The following CUX1 variants were observed in gnomAD, a reference collection of about 807,000 sequenced individuals.
CUX1 encodes the protein cut like homeobox 1, also known as protein CASP.
Under a neutral mutation model 158.8 loss-of-function variants are expected in CUX1, and 31 were observed. The ratio of observed to expected loss-of-function variants is 0.20; its 90% CI spans 0.15 to 0.26. CUX1 has a LOEUF of 0.26. Ranked by LOEUF, CUX1 falls within the 10% of genes least tolerant of loss-of-function variation. CUX1 has a pLI of 1.00. For synonymous variants in CUX1, 879 were observed against 862.1 expected, an observed-to-expected ratio of 1.02 and a Z score of -0.34; for missense variants, 1,589 against 2,014.6, an observed-to-expected ratio of 0.79 and a Z score of 4.04.
At chr7:102,223,527 T>A (rs1798043705) in intron 20 of CUX1, among the ~76,000 whole-genome samples, 1 of 152,150 alleles carries the variant, frequency 6.6e-6, no homozygotes, top group Non-Finnish European at 1.5e-5. Context: ...ATTCACTGTC[T>A]GTCCTAACAG....
chr7:102,009,733 G>A (rs1001433576), intron 2 of CUX1, among the ~76,000 whole-genome samples: 2 of 152,254 alleles, frequency 1.3e-5, no homozygotes, highest in African/African-American at 2.4e-5. Flanking sequence ...ACACCAGCGT[G>A]GCAGACAGGT....
intron 8 of CUX1, among the ~76,000 whole-genome samples, chr7:102,126,985 C>T (rs782648598): frequency 5.3e-5 from 8 of 152,166 alleles, no homozygotes; most frequent in South Asian, 2.1e-4. Context: ...CCCTCGCATG[C>T]GCAGTTCACA....
chr7:101,962,555 T>C (rs1316088812), intron 2 of CUX1, among the ~76,000 whole-genome samples: 1 of 152,166 alleles, frequency 6.6e-6, no homozygotes, highest in Non-Finnish European at 1.5e-5. Context: ...TAGGCAGATA[T>C]AAATGCAGAT....
rs1250069526 is a variant in CUX1, at chr7:102,139,226, C to G, written c.675-19334C>G. ...TGCTGCTGCACTCCAGCCTGGGCAA[C>G]AGAGAGAGACTACATCTTAAAAAAA... On this transcript the variant is annotated intron_variant, in intron 8 of 23. Transcript: ENST00000292535. Among the ~76,000 whole-genome samples the G allele has an allele frequency of 2.6e-5, 3 of 116,464 alleles. No homozygotes were observed. The East Asian group carries it at 7.2e-4, about 28-fold the overall frequency. The allele number at this position is 116,464 out of a possible 152,430, so 76.4% of individuals were successfully genotyped here.
chr7:102,099,707 A>G (rs147883377), intron 5 of CUX1, among the ~76,000 whole-genome samples: 282 of 152,152 alleles, frequency 1.9e-3, no homozygotes, highest in African/African-American at 6.4e-3. Context: ...GACTACAGGC[A>G]TGTGTACCAC....
intron 20 of CUX1, among the ~76,000 whole-genome samples, chr7:102,281,239 G>A (rs1284333927): frequency 6.6e-6 from 1 of 152,114 alleles, no homozygotes; most frequent in East Asian, 1.9e-4. Context: ...GCGCAGTGGT[G>A]TGCACCTGTA....
intron 2 of CUX1, among the ~76,000 whole-genome samples, chr7:102,016,521 G>A (rs10233402): frequency 0.42 from 64,430 of 151,984 alleles, 14,287 homozygotes; most frequent in Non-Finnish European, 0.46. Context: ...AAAAATAATG[G>A]TACTCCAAAA....
At chr7:102,088,929 C>T (rs1269634189) in intron 4 of CUX1, among the ~76,000 whole-genome samples, 3 of 152,042 alleles carry the variant, frequency 2.0e-5, no homozygotes, top group African/African-American at 7.2e-5. Context: ...GAACATTTTG[C>T]CACTGTTTCT....
chr7:102,082,890 G>A (rs1037081967), intron 4 of CUX1, among the ~76,000 whole-genome samples: 1 of 147,532 alleles, frequency 6.8e-6, no homozygotes, highest in Admixed American at 6.8e-5. Context: ...TGGGTATTAT[G>A]AATCAGTCTA....
intron 20 of CUX1, chr7:102,281,717 G>C (rs1488973885): frequency 8.7e-6 from 6 of 693,244 alleles, no homozygotes; most frequent in Non-Finnish European, 1.6e-5. Context: ...ATGGAATAGG[G>C]GCCCCAGCTT....
At chr7:102,023,119 G>A (rs1423416453) in intron 2 of CUX1, among the ~76,000 whole-genome samples, 3 of 152,150 alleles carry the variant, frequency 2.0e-5, no homozygotes, top group Admixed American at 2.0e-4. Flanking sequence ...GGAGGCTGAA[G>A]CAGGAGAATC....
intron 1 of CUX1, among the ~76,000 whole-genome samples, chr7:101,912,829 G>T (rs10240601): frequency 0.15 from 23,308 of 152,106 alleles, 2,532 homozygotes; most frequent in East Asian, 0.53. Flanking sequence ...GGAGGAGGTT[G>T]GGTCCAGGTT....
chr7:102,029,703 A>G (rs1288582649), intron 3 of CUX1, among the ~76,000 whole-genome samples: 2 of 152,102 alleles, frequency 1.3e-5, no homozygotes, highest in African/African-American at 2.4e-5. Context: ...TTCAGCCCCC[A>G]TGCACGTAGC....
In CUX1 at chr7:102,249,213, C is replaced by T. The variant is rs1217797615; in HGVS notation, c.*171C>T. On this transcript the variant is annotated 3_prime_UTR_variant, in exon 24 of 24. Transcript: ENST00000292535. ...CCCCCTCCACGGTCCGCGGCCTGCA[C>T]CGACCCGAGGCCCAGATCCAAGGCC... 4.5e-6 allele frequency: 5 copies of T among 1,107,956 alleles called. No individual in the cohort carries two copies. Among genetic ancestry groups the T allele is most frequent in the Admixed American group, 5.1e-5 (1 of 19,734 alleles). 68.6% of individuals were successfully genotyped at this position (1,107,956 alleles called of 1,614,324 possible). A position where few individuals can be genotyped will look rare whatever the true frequency, so the allele number is the denominator to read the frequency against.
At position 102,197,172 on chromosome 7, in the gene CUX1, C is replaced by T. The variant is rs782212066; in HGVS notation, c.1761C>T (p.Ser587=). ...TGGGACTGTCTCAAGGGTCCGTGAG[C>T]GAGATTCTGGCCCGGCCCAAGCCAT... ...YVLGLSQGSV[S]EILARPKPWN... is the part of the protein sequence containing the mutation. Residue 587 remains serine, a synonymous_variant, in exon 15 of 24, where the codon AGC becomes AGT. Transcript: ENST00000292535. 24 of 1,614,108 alleles carry T rather than the reference C, an allele frequency of 1.5e-5. No individual in the cohort carries two copies. Among genetic ancestry groups the T allele is most frequent in the East Asian group, 8.9e-5 (4 of 44,900 alleles).
intron 20 of CUX1, among the ~76,000 whole-genome samples, chr7:102,222,387 C>T (rs1159321829): frequency 2.0e-5 from 3 of 152,138 alleles, no homozygotes; most frequent in Admixed American, 1.3e-4. Context: ...GAGGTTTTCC[C>T]CTCCTGATCC....
At chr7:101,826,243 G>A (rs112179125) in intron 1 of CUX1, among the ~76,000 whole-genome samples, 41 of 151,682 alleles carry the variant, frequency 2.7e-4, no homozygotes, top group African/African-American at 9.0e-4. Flanking sequence ...CTCTGTTGCC[G>A]GCTGGAGTGC....
chr7:102,264,992 C>G (rs1303544000), intron 14 of CUX1: 3 of 152,204 alleles, frequency 2.0e-5, no homozygotes, highest in African/African-American at 4.8e-5. Flanking sequence ...ACAGACAGCA[C>G]GAGGTCAGAG....
Position 102,248,442 on chromosome 7 carries a change from G to A in CUX1, c.3918G>A (p.Glu1306=). The A allele has an allele frequency of 6.3e-7, 1 of 1,599,358 alleles. No individual in the cohort carries two copies. The highest frequency in any genetic ancestry group is 8.5e-7 in the Non-Finnish European group (1 of 1,176,468). ...GGATCCGCAGAGAACTGTTCATTGA[G>A]GAAATTCAGGCCGGGAGTCAGGGCC... is the stretch of plus-strand genomic sequence containing the variant. The part of the protein sequence containing the change: ...RSRIRRELFI[E]EIQAGSQGQA... Residue 1306 remains glutamate (E), a synonymous_variant, in exon 24 of 24, where the codon GAG becomes GAA. Transcript: ENST00000292535. The surrounding 1 kb of genome is among the most constrained non-coding windows in gnomAD (Gnocchi z 5.8).
Sources: allele counts gnomAD v4.1 joint callset (sites outside exome capture counted in the v4.1 genomes callset), GRCh38; gene constraint gnomAD v4.1.1; non-coding constraint Gnocchi (gnomAD v3.1); transcripts MANE v1.5; gene names NCBI Gene and HGNC (gene_info 2026-07-23, HGNC 2026-07-21).